Variants in CREM observed in about 807,000 individuals in gnomAD.
The protein encoded by CREM is cAMP-responsive element modulator.
A neutral mutation model predicts 37.3 loss-of-function variants in CREM; 13 were observed. That is an observed-to-expected ratio of 0.35 (90% CI 0.23 to 0.55). The LOEUF is 0.55. CREM is among the 20% of genes least tolerant of loss of function. CREM has a pLI of 0.88. For synonymous variants in CREM, 124 were observed against 120.2 expected (o/e 1.03, Z -0.21); for missense variants, 296 against 362.3 (o/e 0.82, Z 1.49).
intron 7 of CREM, among the ~76,000 whole-genome samples, chr10:35,207,919 AC>A (rs2095573558): frequency 6.6e-6 from 1 of 152,208 alleles, no homozygotes. Context: ...AGCAGGAGTT[AC>A]ATCCCTATGT....
chr10:35,200,974 T>G (rs2095366037), intron 6 of CREM, among the ~76,000 whole-genome samples: 1 of 151,826 alleles, frequency 6.6e-6, no homozygotes, highest in South Asian at 2.1e-4. Context: ...TTTATTTCTT[T>G]GTTTCCTACT....
intron 2 of CREM, among the ~76,000 whole-genome samples, chr10:35,145,295 A>C (rs1029474158): frequency 6.6e-6 from 1 of 150,556 alleles, no homozygotes. Context: ...CAGATTTTCT[A>C]CTCCAATCAC....
intron 3 of CREM, chr10:35,167,571 A>C (rs1322628112): frequency 1.9e-5 from 13 of 686,238 alleles, no homozygotes; most frequent in Non-Finnish European, 3.3e-5. Flanking sequence ...ACTAGGTGCT[A>C]ATCAAATGCT....
At chr10:35,130,543 C>T (rs1320894714) in intron 1 of CREM, among the ~76,000 whole-genome samples, 1 of 152,200 alleles carries the variant, frequency 6.6e-6, no homozygotes. Context: ...TGATGGACCA[C>T]ATATATCCCA....
chr10:35,171,531 T>G (rs1405410258), intron 3 of CREM, among the ~76,000 whole-genome samples: 1 of 152,206 alleles, frequency 6.6e-6, no homozygotes, highest in African/African-American at 2.4e-5. Flanking sequence ...ATTAAAGCAA[T>G]GTAAAGGATG....
At chr10:35,185,638 C>T (rs761612809) in intron 5 of CREM, among the ~76,000 whole-genome samples, 3 of 152,176 alleles carry the variant, frequency 2.0e-5, no homozygotes, top group Non-Finnish European at 4.4e-5. Flanking sequence ...ACTATGAGGG[C>T]TGAATCCTGA....
At position 35,179,249 on chromosome 10, in the gene CREM, A is replaced by G. The variant is rs768214237; in HGVS notation, c.382A>G (p.Ile128Val). The change falls in exon 5 of 8, where the codon ATA becomes GTA. Residue 128 changes from isoleucine to valine, a missense_variant. Physicochemically the swap from Ile to Val is conservative, Grantham distance 29. Around this residue, in one of 2 missense-constraint regions of CREM, gnomAD observed 257 missense variants for 280.2 expected, o/e 0.92. Coordinates refer to ENST00000685392, the MANE Select transcript of CREM (RefSeq NM_183011.2). ...TGCTACCATGGCAGTACCAACTAGC[A>G]TATATCAGACTAGCACGGGGCAATA... The part of the protein sequence containing the change: ...SIATMAVPTS[I>V]YQTSTGQYIA... 1.8e-5 allele frequency: 29 copies of G among 1,614,156 alleles called. No individual in the cohort carries two copies. The East Asian group carries it at 5.8e-4, about 32-fold the overall frequency.
chr10:35,175,936 C>A, intron 3 of CREM: 2 of 1,551,568 alleles, frequency 1.3e-6, no homozygotes, highest in South Asian at 2.4e-5. Context: ...CTATACATGT[C>A]CAGGGAGTAA....
intron 5 of CREM, among the ~76,000 whole-genome samples, chr10:35,186,796 A>T (rs1375641817): frequency 7.9e-6 from 1 of 126,150 alleles, no homozygotes; most frequent in East Asian, 2.2e-4. Context: ...TAACATAATT[A>T]TGTTATATAT....
intron 3 of CREM, among the ~76,000 whole-genome samples, chr10:35,161,867 G>T (rs1432714797): frequency 1.3e-5 from 2 of 152,158 alleles, no homozygotes; most frequent in East Asian, 1.9e-4. Flanking sequence ...CAGTATGGAG[G>T]TTCCTCCAGA....
chr10:35,189,495 T>A (rs1003993432), intron 6 of CREM, among the ~76,000 whole-genome samples: 5 of 151,948 alleles, frequency 3.3e-5, no homozygotes, highest in Non-Finnish European at 7.4e-5. Context: ...CTTGCTTGTT[T>A]GTTTGTTTGT....
intron 6 of CREM, among the ~76,000 whole-genome samples, chr10:35,188,740 A>T (rs1273745231): frequency 6.6e-6 from 1 of 151,352 alleles, no homozygotes; most frequent in Non-Finnish European, 1.5e-5. Context: ...GCTCACTGCA[A>T]CCTGTCTCCT....
rs772093575 is a variant in CREM at position 35,178,898 on chromosome 10, A to G, written c.178A>G (p.Ile60Val). ...AAATCTTGTATTATAGGTAGCAGCAATTGCAGAGACAGATGAATCTGCAGA... is the reference window on the plus strand; with the variant it reads ...AAATCTTGTATTATAGGTAGCAGCAGTTGCAGAGACAGATGAATCTGCAGA... ...SIPALAQVAAIAETDESAESE... is the reference protein window; with the variant it reads ...SIPALAQVAAVAETDESAESE... Residue 60 changes from isoleucine (I) to valine (V), a missense_variant, in exon 4 of 8, where the codon ATT becomes GTT. Physicochemically the swap from Ile to Val is conservative, Grantham distance 29. Transcript: ENST00000685392. 2 of 1,609,194 alleles carry G rather than the reference A, an allele frequency of 1.2e-6. No individual in the cohort carries two copies. Among genetic ancestry groups the G allele is most frequent in the Non-Finnish European group, 1.7e-6 (2 of 1,178,072 alleles).
rs188012717 is a variant in CREM at position 35,141,146 on chromosome 10, C to T, written c.44+3267C>T. On this transcript the variant is annotated intron_variant, in intron 2 of 7. Coordinates refer to ENST00000685392, the MANE Select transcript of CREM (RefSeq NM_183011.2). The stretch of plus-strand genomic sequence containing the variant: ...TTTTTTATTTTTTGAGACAGTCTCA[C>T]TCTGTTGCCCAGGCTGGAAGAACTG... Among the ~76,000 whole-genome samples, 206 of 152,292 alleles carry T rather than the reference C, an allele frequency of 1.4e-3. 1 individual carries two copies. The highest frequency in any genetic ancestry group is 4.5e-3 in the African/African-American group (187 of 41,572).
intron 6 of CREM, among the ~76,000 whole-genome samples, chr10:35,190,910 C>T (rs1162307481): frequency 6.6e-5 from 10 of 152,088 alleles, no homozygotes; most frequent in Admixed American, 5.9e-4. Context: ...GATCCGCCCA[C>T]CTCAGCCTCC....
chr10:35,163,719 G>A (rs2093403697), intron 3 of CREM, among the ~76,000 whole-genome samples: 1 of 152,094 alleles, frequency 6.6e-6, no homozygotes, highest in Non-Finnish European at 1.5e-5. Context: ...TACTCGGGAG[G>A]CTGAGGCGGG....
chr10:35,171,117 GC>G (rs1364390074), intron 3 of CREM: 1 of 150,434 alleles, frequency 6.6e-6, no homozygotes, highest in African/African-American at 2.4e-5. Context: ...GTTTATGTTA[GC>G]GGGTACAAGT....
At chr10:35,192,618 C>T (rs1229205569) in intron 6 of CREM, among the ~76,000 whole-genome samples, 1 of 151,900 alleles carries the variant, frequency 6.6e-6, no homozygotes, top group Non-Finnish European at 1.5e-5. Context: ...TAAAGTGCTA[C>T]GATTATAGGC....
intron 3 of CREM, among the ~76,000 whole-genome samples, chr10:35,150,611 C>G (rs2092527251): frequency 6.6e-6 from 1 of 152,078 alleles, no homozygotes; most frequent in African/African-American, 2.4e-5. Flanking sequence ...CGCTTGAGGC[C>G]AGGAGTCCGA....
Sources: gnomAD v4.1 joint callset for allele counts (sites outside exome capture counted in the v4.1 genomes callset) on GRCh38, gnomAD v4.1.1 for gene constraint, gnomAD v4.1.1 regional missense constraint, MANE v1.5 for transcripts, NCBI Gene and HGNC (gene_info 2026-07-23, HGNC 2026-07-21) for gene names.